LUC7L2: variants seen among roughly 807,000 people sequenced by gnomAD.
The protein encoded by LUC7L2 is putative RNA-binding protein Luc7-like 2.
In LUC7L2, 25 loss-of-function variants were observed where a neutral mutation model predicts 52.8. The ratio of observed to expected loss-of-function variants is 0.47; its 90% CI spans 0.34 to 0.66. The LOEUF is 0.66. LUC7L2 is among the 30% of genes least tolerant of loss of function. LUC7L2 has a pLI of 0.01. For synonymous variants in LUC7L2, 144 were observed against 160.9 expected (o/e 0.89, Z 0.80); for missense variants, 328 against 497.8 (o/e 0.66, Z 3.25).
chr7:139,383,677 A>T (rs1255744767), intron 2 of LUC7L2, among the ~76,000 whole-genome samples: 1 of 150,676 alleles, frequency 6.6e-6, no homozygotes, highest in East Asian at 2.1e-4. Flanking sequence ...CGGCCTTCCA[A>T]AGTGCTGGGA....
At chr7:139,407,104 G>C (rs2131294529) in intron 5 of LUC7L2, 70 bp from the exon 6 acceptor site, 1 of 1,402,506 alleles carries the variant, frequency 7.1e-7, no homozygotes, top group East Asian at 2.7e-5. Flanking sequence ...TATAAGCATA[G>C]TATATTTTAT....
intron 8 of LUC7L2, chr7:139,416,189 T>C (rs1795607964): frequency 6.6e-6 from 1 of 150,944 alleles, no homozygotes. Flanking sequence ...AAAGTGACTC[T>C]TCTAACAAAG....
chr7:139,412,507 T>G (rs1795403999), intron 7 of LUC7L2, 44 bp from the exon 8 acceptor site: 2 of 1,575,324 alleles, frequency 1.3e-6, no homozygotes, highest in South Asian at 2.3e-5. Flanking sequence ...ACTGTTTTCT[T>G]ATTTATAGCC....
At chr7:139,412,233 A>G (rs1166336103) in intron 7 of LUC7L2, among the ~76,000 whole-genome samples, 1 of 150,042 alleles carries the variant, frequency 6.7e-6, no homozygotes, top group Admixed American at 6.6e-5. Flanking sequence ...AAAAAAAAAC[A>G]AAAACAAAAA....
chr7:139,368,904 T>G (rs1442221297), intron 1 of LUC7L2, among the ~76,000 whole-genome samples: 1 of 152,126 alleles, frequency 6.6e-6, no homozygotes, highest in African/African-American at 2.4e-5. Context: ...AAGGCTCACG[T>G]CTCCTTCATG....
In LUC7L2 at chr7:139,407,344, A is replaced by G; in HGVS notation, c.681A>G (p.Glu227=). Residue 227 remains glutamate (E), a synonymous_variant, in exon 6 of 10, where the codon GAA becomes GAG. Transcript: ENST00000354926. ...TTGAAATAAGAGAGAAGCTTGAAGA[A>G]TTAAAGGTACATTGGTAAAATATTC... ...GFIEIREKLE[E]LKRVVAEKQE... The G allele has an allele frequency of 6.2e-7, 1 of 1,607,710 alleles. No individual in the cohort carries two copies. The highest frequency in any genetic ancestry group is 8.5e-7 in the Non-Finnish European group (1 of 1,176,834).
Position 139,422,539 on chromosome 7 carries a change from C to T in LUC7L2, c.*199C>T. ...AACTACATCCATAGTTTCTGGTGAA[C>T]CTGTAATACAGTTCTGAAAGTACAG... is the stretch of plus-strand genomic sequence containing the variant. On this transcript the variant is annotated 3_prime_UTR_variant, in exon 10 of 10. Transcript: ENST00000354926. 8.9e-7 allele frequency: 1 copy of T among 1,122,712 alleles called. No homozygotes were observed. Among genetic ancestry groups the T allele is most frequent in the Non-Finnish European group, 1.2e-6 (1 of 869,016 alleles). The allele number at this position is 1,122,712 out of a possible 1,614,324, so 69.5% of individuals were successfully genotyped here. A position where few individuals can be genotyped will look rare whatever the true frequency, so the allele number is the denominator to read the frequency against.
intron 1 of LUC7L2, among the ~76,000 whole-genome samples, chr7:139,346,862 C>A (rs1450996086): frequency 6.6e-6 from 1 of 152,182 alleles, no homozygotes; most frequent in Non-Finnish European, 1.5e-5. Context: ...AAGACAGAAA[C>A]TTGGGCTTCA....
chr7:139,417,632 C>G lies in LUC7L2; in HGVS notation c.904C>G (p.Arg302Gly). Residue 302 changes from arginine to glycine, a missense_variant, in exon 9 of 10, where the codon CGC becomes GGC. By Grantham distance (125) the Arg-to-Gly change is moderately radical. Around this residue, in one of 2 missense-constraint regions of LUC7L2, gnomAD observed 195 missense variants for 223.3 expected, o/e 0.87. Transcript: ENST00000354926. ...TRSKSREKRH[R>G]HRSRSSSRSR... ...ATCCAAATCTCGGGAGAAACGCCAT[C>G]GCCACAGGTCCCGCTCCAGCAGCCG... is the stretch of plus-strand genomic sequence containing the variant. 3.7e-6 allele frequency: 6 copies of G among 1,614,142 alleles called. No individual in the cohort carries two copies. The highest frequency in any genetic ancestry group is 5.1e-6 in the Non-Finnish European group (6 of 1,180,034).
At position 139,351,517 on chromosome 7, in the gene LUC7L2, A is replaced by G. The variant is rs139484612; in HGVS notation, c.-26+11000A>G. The stretch of plus-strand genomic sequence containing the variant: ...CCCTAATTGGTCCCTTTTACCTCCA[A>G]TTATGCTCTCTTCAAGTCCATTTTC... On this transcript the variant is annotated intron_variant, in intron 1 of 10. Transcript: ENST00000541170. 1.7e-3 allele frequency among the ~76,000 whole-genome samples: 256 copies of G among 152,252 alleles called. 2 individuals are homozygous for G. The Middle Eastern group carries it at 0.037, about 22-fold the overall frequency.
At chr7:139,386,580 T>C (rs1794205298) in intron 2 of LUC7L2, among the ~76,000 whole-genome samples, 1 of 130,478 alleles carries the variant, frequency 7.7e-6, no homozygotes, top group South Asian at 2.2e-4. Flanking sequence ...AATTTTTTTT[T>C]CGTATTTTTA....
rs749245444 is a variant in LUC7L2, at chr7:139,417,687, G to A, written c.959G>A (p.Arg320Gln). The A allele has an allele frequency of 5.7e-5, 92 of 1,613,978 alleles. 1 individual carries two copies. Among genetic ancestry groups the A allele is most frequent in the Non-Finnish European group, 7.1e-5 (84 of 1,180,032 alleles). Residue 320 changes from arginine to glutamine, a missense_variant, in exon 9 of 10, where the codon CGG becomes CAG. By Grantham distance (43) the Arg-to-Gln change is conservative. Around this residue, in one of 2 missense-constraint regions of LUC7L2, gnomAD observed 195 missense variants for 223.3 expected, o/e 0.87. Transcript: ENST00000354926. ...RSRSRSHQRS[R>Q]HSSRDRSRER... ...CGCAGCCGTAGCCACCAGAGAAGTCGGCACAGTTCTAGAGATAGGAGCAGA... is the reference window on the plus strand; with the variant it reads ...CGCAGCCGTAGCCACCAGAGAAGTCAGCACAGTTCTAGAGATAGGAGCAGA...
intron 8 of LUC7L2, chr7:139,416,038 AAAAT>A (rs1795585698): frequency 4.3e-5 from 3 of 69,970 alleles, no homozygotes; most frequent in Non-Finnish European, 8.0e-5. Context: ...ATTGAGGTAT[AAAAT>A]ATATATATAT....
intron 1 of LUC7L2, chr7:139,341,008 C>A: frequency 5.2e-6 from 1 of 193,440 alleles, no homozygotes; most frequent in South Asian, 1.4e-4. Context: ...AAAATGTCTT[C>A]TCAGCGTGTT....
chr7:139,357,441 GAACTC>G (rs1450808802), upstream of LUC7L2, among the ~76,000 whole-genome samples: 1 of 151,924 alleles, frequency 6.6e-6, no homozygotes, highest in Non-Finnish European at 1.5e-5. Context: ...ATAAAAAAAA[GAACTC>G]AAATCTCTTC....
intron 1 of LUC7L2, among the ~76,000 whole-genome samples, chr7:139,370,423 G>C (rs201808328): frequency 6.6e-6 from 1 of 152,090 alleles, no homozygotes; most frequent in East Asian, 1.9e-4. Context: ...AGTAATCATC[G>C]CTTTTACTTT....
intron 1 of LUC7L2, 86 bp from the exon 2 acceptor site, chr7:139,375,976 A>G: frequency 2.2e-6 from 3 of 1,378,654 alleles, no homozygotes; most frequent in Non-Finnish European, 3.0e-6. Context: ...ATATAGCCAC[A>G]CATAAAAAGC....
At chr7:139,351,058 T>G (rs1320870202) in intron 1 of LUC7L2, among the ~76,000 whole-genome samples, 1 of 152,134 alleles carries the variant, frequency 6.6e-6, no homozygotes, top group Non-Finnish European at 1.5e-5. Flanking sequence ...TTCCTCAGGG[T>G]CCAGACCAAG....
intron 5 of LUC7L2, 120 bp downstream of exon 5, chr7:139,405,907 T>C (rs1277053915): frequency 7.4e-7 from 1 of 1,351,484 alleles, no homozygotes. Context: ...ATGGAAATTA[T>C]TGAACAGTTG....
Sources: allele counts gnomAD v4.1 joint callset (sites outside exome capture counted in the v4.1 genomes callset), GRCh38; gene constraint gnomAD v4.1.1; regional missense constraint gnomAD v4.1.1; transcripts MANE v1.5; gene names NCBI Gene and HGNC (gene_info 2026-07-23, HGNC 2026-07-21).